The following SPIDR variants were observed in gnomAD, a reference collection of about 807,000 sequenced individuals.
SPIDR encodes DNA repair-scaffolding protein.
In SPIDR, 93 loss-of-function variants were observed where a neutral mutation model predicts 104.6. That is an observed-to-expected ratio of 0.89 (90% CI 0.75 to 1.06). SPIDR has a LOEUF of 1.06. SPIDR is among the 50% of genes least tolerant of loss of function. SPIDR has a pLI of 0.00. For missense variants in SPIDR, 1,154 were observed against 1,111.2 expected, an observed-to-expected ratio of 1.04 and a Z score of -0.55; for synonymous variants, 431 against 416.9, an observed-to-expected ratio of 1.03 and a Z score of -0.41.
intron 8 of SPIDR, among the ~76,000 whole-genome samples, chr8:47,578,541 A>G (rs920468570): frequency 6.6e-6 from 1 of 152,184 alleles, no homozygotes; most frequent in African/African-American, 2.4e-5. Flanking sequence ...TATGTATGGA[A>G]ACTCAGCCAT....
chr8:47,557,449 A>C (rs1484283497), intron 8 of SPIDR, among the ~76,000 whole-genome samples: 1 of 152,230 alleles, frequency 6.6e-6, no homozygotes, highest in African/African-American at 2.4e-5. Context: ...TCATATGGCA[A>C]AGTCTTTCAT....
chr8:47,523,082 C>T (rs975276126), intron 8 of SPIDR, among the ~76,000 whole-genome samples: 5 of 152,068 alleles, frequency 3.3e-5, no homozygotes, highest in Admixed American at 6.6e-5. Flanking sequence ...CTCACTGCAG[C>T]CTCGACCTCC....
At chr8:47,570,954 AGTG>A (rs2058444456) in intron 8 of SPIDR, among the ~76,000 whole-genome samples, 1 of 151,954 alleles carries the variant, frequency 6.6e-6, no homozygotes, top group East Asian at 1.9e-4. Flanking sequence ...AGCCAGGTGT[AGTG>A]GTGGGCGCCT....
intron 8 of SPIDR, among the ~76,000 whole-genome samples, chr8:47,513,337 G>A (rs564792791): frequency 6.7e-4 from 102 of 152,246 alleles, no homozygotes; most frequent in Admixed American, 2.2e-3. Flanking sequence ...TGAAAAGTTT[G>A]TGTTTTTCTT....
At chr8:47,454,380 A>G (rs1010392761) in intron 8 of SPIDR, among the ~76,000 whole-genome samples, 8 of 152,116 alleles carry the variant, frequency 5.3e-5, no homozygotes, top group Non-Finnish European at 1.0e-4. Flanking sequence ...CACAGGGACA[A>G]AAAACCAAAC....
At chr8:47,273,130 G>C (rs2035672679) in intron 1 of SPIDR, among the ~76,000 whole-genome samples, 1 of 152,116 alleles carries the variant, frequency 6.6e-6, no homozygotes, top group East Asian at 1.9e-4. Context: ...ACCTGGAGAT[G>C]GTGTGAGATC....
chr8:47,320,693 C>T (rs1554594429), intron 5 of SPIDR, among the ~76,000 whole-genome samples: 1 of 152,098 alleles, frequency 6.6e-6, no homozygotes, highest in Non-Finnish European at 1.5e-5. Context: ...ATGCAAAAAT[C>T]CTCAATAAAA....
At chr8:47,413,174 C>T (rs1215095643) in intron 7 of SPIDR, among the ~76,000 whole-genome samples, 2 of 152,264 alleles carry the variant, frequency 1.3e-5, no homozygotes, top group Non-Finnish European at 2.9e-5. Flanking sequence ...ACTCTGGCTA[C>T]TGGCGGCCTA....
chr8:47,595,376 T>A (rs2061529051), intron 8 of SPIDR, among the ~76,000 whole-genome samples: 2 of 152,224 alleles, frequency 1.3e-5, no homozygotes, highest in South Asian at 2.1e-4. Flanking sequence ...TATAGTCAGT[T>A]TGATAGCAAA....
chr8:47,323,463 A>G (rs1271967893), intron 5 of SPIDR, among the ~76,000 whole-genome samples: 3 of 152,146 alleles, frequency 2.0e-5, no homozygotes, highest in Admixed American at 6.5e-5. Flanking sequence ...GTAGACATGG[A>G]ATGTATAGTG....
chr8:47,287,958 A>G (rs2039182650), intron 3 of SPIDR, among the ~76,000 whole-genome samples: 1 of 151,880 alleles, frequency 6.6e-6, no homozygotes, highest in Non-Finnish European at 1.5e-5. Context: ...AATCTTCACA[A>G]TTTATGTTCA....
intron 5 of SPIDR, among the ~76,000 whole-genome samples, chr8:47,374,862 G>T (rs2058463349): frequency 2.0e-5 from 3 of 152,162 alleles, no homozygotes; most frequent in Non-Finnish European, 2.9e-5. Flanking sequence ...TTTGAGACCA[G>T]CCTGGCCAAC....
At chr8:47,380,189 C>A (rs1301876909) in intron 5 of SPIDR, among the ~76,000 whole-genome samples, 1 of 151,864 alleles carries the variant, frequency 6.6e-6, no homozygotes, top group Non-Finnish European at 1.5e-5. Context: ...ACCTCTCAGC[C>A]TGCACCACAG....
At chr8:47,592,127 TTGA>T in intron 8 of SPIDR, 2 of 1,392,384 alleles carry the variant, frequency 1.4e-6, no homozygotes, top group Non-Finnish European at 2.0e-6. Context: ...TGATGCACAC[TTGA>T]TGATCGGATC....
intron 5 of SPIDR, among the ~76,000 whole-genome samples, chr8:47,360,011 G>A (rs2055426789): frequency 6.6e-6 from 1 of 152,064 alleles, no homozygotes; most frequent in Admixed American, 6.5e-5. Context: ...GGGAGGCCGA[G>A]GCGGGCGGAT....
At chr8:47,500,629 A>G (rs1478453079) in intron 8 of SPIDR, among the ~76,000 whole-genome samples, 2 of 152,184 alleles carry the variant, frequency 1.3e-5, no homozygotes, top group African/African-American at 4.8e-5. Context: ...TTTGCCGTGC[A>G]GAAGCTCTTT....
chr8:47,359,758 A>G (rs2055352223), intron 5 of SPIDR, among the ~76,000 whole-genome samples: 1 of 152,164 alleles, frequency 6.6e-6, no homozygotes, highest in Non-Finnish European at 1.5e-5. Flanking sequence ...TCAAGAATAT[A>G]TCATAATTAG....
At chr8:47,710,626 G>A (rs768496241) in intron 14 of SPIDR, among the ~76,000 whole-genome samples, 3 of 151,588 alleles carry the variant, frequency 2.0e-5, no homozygotes, top group Non-Finnish European at 4.4e-5. Context: ...GTGCCTCCAC[G>A]CCTGGCTAAT....
At chr8:47,641,683 C>T (rs955920097) in intron 10 of SPIDR, among the ~76,000 whole-genome samples, 3 of 152,128 alleles carry the variant, frequency 2.0e-5, no homozygotes, top group Non-Finnish European at 4.4e-5. Context: ...CCCCTGCAGC[C>T]TCTCAAGGGA....
Sources: allele counts gnomAD v4.1 joint callset (sites outside exome capture counted in the v4.1 genomes callset), GRCh38; gene constraint gnomAD v4.1.1; transcripts MANE v1.5; gene names NCBI Gene and HGNC (gene_info 2026-07-23, HGNC 2026-07-21).